CSMD1: variants seen among roughly 807,000 people sequenced by gnomAD.
The protein encoded by CSMD1 is CUB and Sushi multiple domains 1, also known as CUB and sushi domain-containing protein 1.
Under a neutral mutation model 417.5 loss-of-function variants are expected in CSMD1, and 213 were observed. That is an observed-to-expected ratio of 0.51 (90% CI 0.46 to 0.57). CSMD1 has a LOEUF of 0.57. Ranked by LOEUF, CSMD1 falls within the 20% of genes least tolerant of loss-of-function variation. CSMD1 has a pLI of 0.00. For missense variants in CSMD1, 6,923 were observed against 4,529.7 expected, an observed-to-expected ratio of 1.53 and a Z score of -15.17; for synonymous variants, 2,862 against 1,736.8, an observed-to-expected ratio of 1.65 and a Z score of -16.11.
intron 26 of CSMD1, among the ~76,000 whole-genome samples, chr8:3,235,135 T>C (rs928044937): frequency 1.3e-5 from 2 of 152,208 alleles, no homozygotes; most frequent in African/African-American, 2.4e-5. Context: ...ATAATTGTCA[T>C]ACAGTGATAG....
chr8:3,496,105 G>A (rs1176532539), intron 10 of CSMD1, among the ~76,000 whole-genome samples: 1 of 152,130 alleles, frequency 6.6e-6, no homozygotes, highest in Non-Finnish European at 1.5e-5. Context: ...TCCTCTCCCT[G>A]TGTTCATGTG....
chr8:3,136,271 C>T (rs1234941228), intron 41 of CSMD1, among the ~76,000 whole-genome samples: 1 of 149,430 alleles, frequency 6.7e-6, no homozygotes, highest in Non-Finnish European at 1.5e-5. Context: ...TTTTTTTGCC[C>T]CCCGAGATAG....
intron 5 of CSMD1, among the ~76,000 whole-genome samples, chr8:3,965,651 C>T (rs1006269216): frequency 4.0e-5 from 6 of 151,618 alleles, no homozygotes; most frequent in Non-Finnish European, 7.4e-5. Flanking sequence ...GGAGTCTCAC[C>T]CTGTCGCCCA....
At chr8:4,219,725 A>C (rs982273773) in intron 3 of CSMD1, among the ~76,000 whole-genome samples, 1 of 152,186 alleles carries the variant, frequency 6.6e-6, no homozygotes, top group African/African-American at 2.4e-5. Flanking sequence ...CTGTCTTCAC[A>C]ATGTAACTTG....
At chr8:4,327,773 T>C (rs1028489806) in intron 3 of CSMD1, among the ~76,000 whole-genome samples, 3 of 152,236 alleles carry the variant, frequency 2.0e-5, no homozygotes, top group African/African-American at 7.2e-5. Context: ...TTTTATTTAA[T>C]CATAAAACCA....
intron 5 of CSMD1, among the ~76,000 whole-genome samples, chr8:3,901,838 A>G (rs971057577): frequency 3.3e-5 from 5 of 152,160 alleles, no homozygotes; most frequent in Admixed American, 6.5e-5. Context: ...TTGCATCCTG[A>G]TATTACCATG....
At chr8:4,671,727 G>A (rs950602198) in intron 1 of CSMD1, among the ~76,000 whole-genome samples, 4 of 147,872 alleles carry the variant, frequency 2.7e-5, no homozygotes, top group African/African-American at 7.3e-5. Flanking sequence ...AGTATTGCTT[G>A]TGTGTGTGTG....
At chr8:4,073,600 G>C (rs554250912) in intron 3 of CSMD1, among the ~76,000 whole-genome samples, 1 of 152,168 alleles carries the variant, frequency 6.6e-6, no homozygotes, top group East Asian at 1.9e-4. Context: ...TTTCAGTATT[G>C]AGATAAATAA....
chr8:3,489,357 G>C (rs1025893212), intron 11 of CSMD1, among the ~76,000 whole-genome samples: 2 of 152,152 alleles, frequency 1.3e-5, no homozygotes, highest in East Asian at 1.9e-4. Context: ...CATTCTCATA[G>C]AGGGACGGGC....
At chr8:3,495,634 T>A (rs1449160400) in intron 10 of CSMD1, among the ~76,000 whole-genome samples, 1 of 152,238 alleles carries the variant, frequency 6.6e-6, no homozygotes, top group African/African-American at 2.4e-5. Flanking sequence ...TTTTAGTTTG[T>A]CATATGGCAT....
chr8:3,312,395 T>C (rs913428797), intron 23 of CSMD1, among the ~76,000 whole-genome samples: 2 of 152,192 alleles, frequency 1.3e-5, no homozygotes, highest in African/African-American at 4.8e-5. Flanking sequence ...TATTATCTTG[T>C]AAAAAGCTCT....
At chr8:4,343,987 T>G (rs1800633973) in intron 3 of CSMD1, among the ~76,000 whole-genome samples, 1 of 152,150 alleles carries the variant, frequency 6.6e-6, no homozygotes, top group South Asian at 2.1e-4. Flanking sequence ...GTAAAGCCAT[T>G]GCCAATAATA....
chr8:3,217,768 T>G (rs574974803), intron 29 of CSMD1, among the ~76,000 whole-genome samples: 2 of 152,276 alleles, frequency 1.3e-5, no homozygotes, highest in African/African-American at 4.8e-5. Flanking sequence ...GATTCTGATG[T>G]TTGGGAGCAA....
At chr8:3,616,681 CT>C in intron 8 of CSMD1, 28 bp downstream of exon 8, 2 of 1,391,092 alleles carry the variant, frequency 1.4e-6, no homozygotes, top group Non-Finnish European at 2.0e-6. Context: ...AAATAACATG[CT>C]TTTTTCCACC....
intron 1 of CSMD1, among the ~76,000 whole-genome samples, chr8:4,964,855 G>A (rs1809753247): frequency 1.3e-5 from 2 of 152,176 alleles, no homozygotes; most frequent in Admixed American, 1.3e-4. Context: ...CGTGTCTGAT[G>A]TAATTGCTCC....
chr8:3,433,263 CTAACT>C (rs1814336996), intron 12 of CSMD1, among the ~76,000 whole-genome samples: 1 of 152,224 alleles, frequency 6.6e-6, no homozygotes, highest in African/African-American at 2.4e-5. Flanking sequence ...CAAAATTCTT[CTAACT>C]TATCTCCAGG....
chr8:4,035,298 C>A (rs575487068), intron 3 of CSMD1, among the ~76,000 whole-genome samples: 1 of 152,128 alleles, frequency 6.6e-6, no homozygotes, highest in Admixed American at 6.6e-5. Flanking sequence ...AGGTTCACTG[C>A]ATATGCTTGA....
In CSMD1 at chr8:4,135,495, T is replaced by C. The variant is rs923958842; in HGVS notation, c.416-103396A>G. 2.6e-5 allele frequency among the ~76,000 whole-genome samples: 4 copies of C among 152,024 alleles called. No homozygotes were observed. The East Asian group carries it at 5.8e-4, about 22-fold the overall frequency. On this transcript the variant is annotated intron_variant, in intron 3 of 69. Transcript: ENST00000635120. ...CTTACACACTAAATATCCCCACATATAAAACCAAAGCTTTAGGAAAGCCTG... is the reference window on the plus strand; with the variant it reads ...CTTACACACTAAATATCCCCACATACAAAACCAAAGCTTTAGGAAAGCCTG...
intron 23 of CSMD1, among the ~76,000 whole-genome samples, chr8:3,309,892 T>A (rs17079871): frequency 0.026 from 4,033 of 152,270 alleles, 168 homozygotes; most frequent in African/African-American, 0.091. Flanking sequence ...ACATGCTTGA[T>A]CCTTTGCACT....
Sources: allele counts gnomAD v4.1 joint callset (sites outside exome capture counted in the v4.1 genomes callset), GRCh38; gene constraint gnomAD v4.1.1; transcripts MANE v1.5; gene names NCBI Gene and HGNC (gene_info 2026-07-23, HGNC 2026-07-21).